Variants in WWOX observed in about 807,000 individuals in gnomAD.
The protein encoded by WWOX is WW domain containing oxidoreductase, also known as WW domain-containing oxidoreductase.
A neutral mutation model predicts 46.2 loss-of-function variants in WWOX; 69 were observed. The ratio of observed to expected loss-of-function variants is 1.49; its 90% CI spans 1.23 to 1.82. The LOEUF (loss-of-function observed/expected upper bound fraction) is 1.82, where lower values mean the gene tolerates loss of function less well. Among genes scored for constraint, WWOX ranks in the 40% most tolerant of loss-of-function variants. The pLI, the probability that WWOX is intolerant of heterozygous loss-of-function variation, is 0.00. For synonymous variants in WWOX, 359 were observed against 202.6 expected (o/e 1.77, Z -6.56); for missense variants, 919 against 542.6 (o/e 1.69, Z -6.89).
intron 8 of WWOX, among the ~76,000 whole-genome samples, chr16:79,195,521 C>A (rs540814180): frequency 6.6e-6 from 1 of 152,142 alleles, no homozygotes; most frequent in African/African-American, 2.4e-5. Context: ...CCTCCTGGCC[C>A]AGAATGGGGG....
chr16:78,635,053 A>G (rs1016359787), intron 8 of WWOX, among the ~76,000 whole-genome samples: 15 of 152,256 alleles, frequency 9.9e-5, no homozygotes, highest in East Asian at 5.8e-4. Context: ...CCTGCGGGAC[A>G]TATTTCCCCC....
intron 8 of WWOX, among the ~76,000 whole-genome samples, chr16:79,129,155 C>G (rs989896464): frequency 6.6e-6 from 1 of 151,904 alleles, no homozygotes; most frequent in Non-Finnish European, 1.5e-5. Flanking sequence ...TCAGTAGGCA[C>G]TGTTCAAGCA....
Position 78,666,330 on chromosome 16 carries a change from G to C in WWOX, c.1056+233578G>C, listed in dbSNP as rs531240036. 9.9e-5 allele frequency among the ~76,000 whole-genome samples: 15 copies of C among 152,056 alleles called. No individual in the cohort carries two copies. The South Asian group carries it at 1.5e-3, about 15-fold the overall frequency. ...TAAATTAAAAAGACACTGAGATTTG[G>C]GGGTTACTTGTAACTGTGTCATAAC... On this transcript the variant is annotated intron_variant, in intron 8 of 8. Transcript: ENST00000566780.
At chr16:78,334,959 G>A (rs7187247) in intron 5 of WWOX, among the ~76,000 whole-genome samples, 1 of 151,124 alleles carries the variant, frequency 6.6e-6, no homozygotes, top group African/African-American at 2.4e-5. Flanking sequence ...TGTGAGATGG[G>A]CGTTTATTAT....
intron 8 of WWOX, among the ~76,000 whole-genome samples, chr16:79,031,111 C>A (rs2047744636): frequency 7.2e-6 from 1 of 138,312 alleles, no homozygotes; most frequent in East Asian, 2.2e-4. Context: ...AAAAAAAAAT[C>A]CAGTAGGAAA....
intron 5 of WWOX, among the ~76,000 whole-genome samples, chr16:78,245,427 G>T (rs1156289152): frequency 6.6e-6 from 1 of 152,120 alleles, no homozygotes; most frequent in Non-Finnish European, 1.5e-5. Flanking sequence ...TAGGTCAAAG[G>T]TACAAACGCT....
At chr16:78,852,200 G>A (rs538773638) in intron 8 of WWOX, among the ~76,000 whole-genome samples, 4 of 152,202 alleles carry the variant, frequency 2.6e-5, no homozygotes, top group Non-Finnish European at 5.9e-5. Context: ...GTGGTAGCCA[G>A]AGGTCAAGAT....
chr16:78,474,378 C>T (rs547956803), intron 8 of WWOX, among the ~76,000 whole-genome samples: 1 of 152,238 alleles, frequency 6.6e-6, no homozygotes, highest in Non-Finnish European at 1.5e-5. Context: ...CCGATGCACT[C>T]TCTAAACCGA....
At chr16:78,435,652 G>C (rs1006305957) in intron 8 of WWOX, among the ~76,000 whole-genome samples, 2 of 152,136 alleles carry the variant, frequency 1.3e-5, no homozygotes, top group Non-Finnish European at 2.9e-5. Context: ...TTGTAGTTGA[G>C]ATGGGATTTG....
intron 8 of WWOX, among the ~76,000 whole-genome samples, chr16:79,065,176 C>T (rs536711057): frequency 3.9e-5 from 6 of 152,252 alleles, no homozygotes; most frequent in Admixed American, 3.3e-4. Context: ...ACAAAGGCTT[C>T]GGAAGCTTCC....
At chr16:78,305,603 T>C (rs896560915) in intron 5 of WWOX, among the ~76,000 whole-genome samples, 2 of 151,858 alleles carry the variant, frequency 1.3e-5, no homozygotes, top group Non-Finnish European at 2.9e-5. Flanking sequence ...CAAGACCGTG[T>C]CATCCATGGA....
chr16:78,347,434 C>T (rs1172019361), intron 5 of WWOX, among the ~76,000 whole-genome samples: 1 of 118,090 alleles, frequency 8.5e-6, no homozygotes, highest in Non-Finnish European at 2.0e-5. Context: ...TGGCACAGCA[C>T]TCTTGACAGC....
At chr16:78,524,820 G>GTTT (rs36073652) in intron 8 of WWOX, among the ~76,000 whole-genome samples, 175 of 123,224 alleles carry the variant, frequency 1.4e-3, no homozygotes, top group African/African-American at 5.0e-3. Flanking sequence ...TTTTTTATGG[G>GTTT]TTTTTTTTTT....
At chr16:78,543,112 C>T (rs1176366506) in intron 8 of WWOX, among the ~76,000 whole-genome samples, 2 of 152,242 alleles carry the variant, frequency 1.3e-5, no homozygotes, top group Non-Finnish European at 2.9e-5. Flanking sequence ...CCAGTGTGGG[C>T]TGGCATGTTC....
intron 8 of WWOX, among the ~76,000 whole-genome samples, chr16:79,018,654 A>G (rs1481459921): frequency 1.3e-5 from 2 of 152,164 alleles, no homozygotes; most frequent in Admixed American, 6.5e-5. Flanking sequence ...TTTCAAACAT[A>G]TCATGCTCAC....
chr16:78,319,182 T>C (rs1597477269), intron 5 of WWOX, among the ~76,000 whole-genome samples: 1 of 152,044 alleles, frequency 6.6e-6, no homozygotes, highest in Non-Finnish European at 1.5e-5. Context: ...GAGGCGGGCA[T>C]GAGCCACAGA....
intron 4 of WWOX, among the ~76,000 whole-genome samples, chr16:78,120,620 A>C (rs933007217): frequency 3.7e-4 from 56 of 152,048 alleles, no homozygotes; most frequent in African/African-American, 1.3e-3. Flanking sequence ...CCCAAAATGT[A>C]ATTATAGTGT....
intron 5 of WWOX, among the ~76,000 whole-genome samples, chr16:78,279,427 A>G (rs1226599961): frequency 2.0e-5 from 3 of 152,216 alleles, no homozygotes; most frequent in African/African-American, 4.8e-5. Context: ...TTCCCAAAGT[A>G]TATTATAAAA....
At chr16:78,817,187 T>TTTTC (rs2051355791) in intron 8 of WWOX, among the ~76,000 whole-genome samples, 2 of 142,564 alleles carry the variant, frequency 1.4e-5, no homozygotes, top group East Asian at 4.0e-4. Flanking sequence ...TTTTTTTTTT[T>TTTTC]TTTTTTTTTT....
Sources: gnomAD v4.1 joint callset for allele counts (sites outside exome capture counted in the v4.1 genomes callset) on GRCh38, gnomAD v4.1.1 for gene constraint, MANE v1.5 for transcripts, NCBI Gene and HGNC (gene_info 2026-07-23, HGNC 2026-07-21) for gene names.